The following CCDC88A variants were observed in gnomAD, a reference collection of about 807,000 sequenced individuals.
CCDC88A encodes the protein girdin.
In CCDC88A, 54 loss-of-function variants were observed where a neutral mutation model predicts 234.3. The ratio of observed to expected loss-of-function variants is 0.23; its 90% CI spans 0.19 to 0.29. The LOEUF is 0.29. Among genes scored for constraint, CCDC88A ranks in the 10% least tolerant of loss-of-function variants. CCDC88A has a pLI of 1.00. For synonymous variants in CCDC88A, 753 were observed against 737.8 expected (o/e 1.02, Z -0.33); for missense variants, 1,832 against 2,123.4 (o/e 0.86, Z 2.70).
Position 55,309,181 on chromosome 2 carries a change from C to A in CCDC88A, c.4153G>T (p.Asp1385Tyr). 6.4e-7 allele frequency: 1 copy of A among 1,563,932 alleles called. No individual in the cohort carries two copies. Among genetic ancestry groups the A allele is most frequent in the South Asian group, 1.1e-5 (1 of 87,662 alleles). Reference sequence around the variant, plus strand: ...TGGTACCTTCTAGGAGGAGATGGGTCATAAAATTTGTATTGATCCATAATT... The same window carrying A: ...TGGTACCTTCTAGGAGGAGATGGGTAATAAAATTTGTATTGATCCATAATT... ...EKIMDQYKFY[D>Y]PSPPRRRGNW... Residue 1385 changes from aspartate to tyrosine, a missense_variant, in exon 24 of 33, where the codon GAC becomes TAC. Transcript: ENST00000436346. The surrounding 1 kb of genome is among the most constrained non-coding windows in gnomAD (Gnocchi z 5.1).
intron 2 of CCDC88A, among the ~76,000 whole-genome samples, chr2:55,410,680 T>G (rs77765273): frequency 6.6e-6 from 1 of 151,922 alleles, no homozygotes; most frequent in African/African-American, 2.4e-5. Context: ...ACCCAGGAGA[T>G]TGGAACCAGA....
chr2:55,409,265 A>G (rs1456181619), intron 2 of CCDC88A, among the ~76,000 whole-genome samples: 1 of 151,752 alleles, frequency 6.6e-6, no homozygotes, highest in East Asian at 1.9e-4. Flanking sequence ...TTTTCATGCT[A>G]TTTTCTTTGC....
intron 29 of CCDC88A, 42 bp downstream of exon 29, chr2:55,299,797 G>A (rs748515689): frequency 7.6e-7 from 1 of 1,316,410 alleles, no homozygotes. Context: ...TTTAAATACT[G>A]GAAATGGATA....
At chr2:55,352,965 T>C (rs1200382479) in intron 8 of CCDC88A, among the ~76,000 whole-genome samples, 1 of 152,178 alleles carries the variant, frequency 6.6e-6, no homozygotes, top group Non-Finnish European at 1.5e-5. Context: ...ATAGGAGATT[T>C]ACTTCTTTTT....
chr2:55,303,958 T>C (rs1006517964), intron 25 of CCDC88A, among the ~76,000 whole-genome samples: 1 of 152,192 alleles, frequency 6.6e-6, no homozygotes, highest in Non-Finnish European at 1.5e-5. Flanking sequence ...CACAGTATTT[T>C]ATTAATATAA....
At chr2:55,301,483 CCAAAAGCAATGAAA>C in intron 27 of CCDC88A, 1 of 519,628 alleles carries the variant, frequency 1.9e-6, no homozygotes, top group Non-Finnish European at 3.3e-6. Flanking sequence ...AGGGAAAACA[CCAAAAGCAATGAAA>C]CAATCTCCCC....
At chr2:55,302,248 G>A (rs1680983936) in intron 26 of CCDC88A, among the ~76,000 whole-genome samples, 176 bp from the exon 27 acceptor site, 1 of 152,118 alleles carries the variant, frequency 6.6e-6, no homozygotes, top group African/African-American at 2.4e-5. Flanking sequence ...AAATGAGTAG[G>A]CCAAAGGCTG....
At chr2:55,301,142 A>C (rs1680850337) in intron 28 of CCDC88A, 64 bp downstream of exon 28, 6 of 953,024 alleles carry the variant, frequency 6.3e-6, no homozygotes, top group Non-Finnish European at 1.0e-5. Context: ...TATTAAAGGC[A>C]AGAGTCCTAG....
intron 29 of CCDC88A, chr2:55,296,788 C>CTGTTT: frequency 2.5e-6 from 1 of 402,908 alleles, no homozygotes; most frequent in Non-Finnish European, 4.4e-6. Context: ...TACTCAGAGC[C>CTGTTT]TAAACAGAGC....
chr2:55,386,766 C>A (rs1261105012), intron 3 of CCDC88A, among the ~76,000 whole-genome samples: 2 of 151,936 alleles, frequency 1.3e-5, no homozygotes, highest in Admixed American at 1.3e-4. Flanking sequence ...GCCACTGTAC[C>A]CAGCCTTCTG....
chr2:55,378,817 C>T (rs1674124769), intron 3 of CCDC88A, among the ~76,000 whole-genome samples: 1 of 151,242 alleles, frequency 6.6e-6, no homozygotes, highest in African/African-American at 2.4e-5. Flanking sequence ...ACGTTCTTGG[C>T]TCACTGCAAC....
At chr2:55,330,992 C>G (rs1574138602) in intron 16 of CCDC88A, among the ~76,000 whole-genome samples, 1 of 152,126 alleles carries the variant, frequency 6.6e-6, no homozygotes, top group Non-Finnish European at 1.5e-5. Context: ...GCTAGATGAT[C>G]AGCAGATAAG....
intron 7 of CCDC88A, among the ~76,000 whole-genome samples, chr2:55,358,456 T>G (rs1263573531): frequency 6.6e-6 from 1 of 152,174 alleles, no homozygotes; most frequent in Non-Finnish European, 1.5e-5. Flanking sequence ...TTGCTATCCA[T>G]TTTCAATCAA....
chr2:55,415,934 A>T (rs1681299532), intron 2 of CCDC88A, among the ~76,000 whole-genome samples: 7 of 152,100 alleles, frequency 4.6e-5, no homozygotes, highest in Admixed American at 4.6e-4. Context: ...TTTGTATTTA[A>T]TGGAATACAA....
intron 29 of CCDC88A, chr2:55,297,291 ATAATTT>A (rs1680177253): frequency 1.4e-5 from 1 of 70,572 alleles, no homozygotes; most frequent in African/African-American, 4.4e-5. Flanking sequence ...TATAATATAT[ATAATTT>A]ATATATAATT....
intron 2 of CCDC88A, among the ~76,000 whole-genome samples, chr2:55,401,495 TATAC>T (rs1427230728): frequency 3.3e-4 from 2 of 6,136 alleles, no homozygotes; most frequent in South Asian, 8.8e-3. Flanking sequence ...TGTGTGTGTG[TATAC>T]ATATATATAT....
intron 13 of CCDC88A, chr2:55,337,380 T>C (rs1667927011): frequency 6.6e-6 from 1 of 152,216 alleles, no homozygotes; most frequent in Non-Finnish European, 1.5e-5. Flanking sequence ...TGAAAAATAC[T>C]GGTAGTTAAT....
chr2:55,387,492 T>A (rs1675859360), intron 3 of CCDC88A, among the ~76,000 whole-genome samples: 1 of 151,792 alleles, frequency 6.6e-6, no homozygotes, highest in Admixed American at 6.6e-5. Context: ...TAGAAACAAT[T>A]ACTGATAGGC....
chr2:55,316,745 T>C lies in CCDC88A; in HGVS notation c.3746+461A>G, dbSNP rs1275713435. 2 of 152,212 alleles carry C rather than the reference T, an allele frequency of 1.3e-5. 1 individual carries two copies. The allele number at this position is 152,212 out of a possible 1,614,324, so 9.4% of individuals were successfully genotyped here. The stretch of plus-strand genomic sequence containing the variant: ...GTAAGATCCTATCTCTCTCTCTCTT[T>C]TTTTTTTGGAGATGGAGTCTTACTC... On this transcript the variant is annotated intron_variant, in intron 21 of 32. Coordinates refer to ENST00000436346, the MANE Select transcript of CCDC88A (RefSeq NM_001365480.1).
Sources: allele counts gnomAD v4.1 joint callset (sites outside exome capture counted in the v4.1 genomes callset), GRCh38; gene constraint gnomAD v4.1.1; non-coding constraint Gnocchi (gnomAD v3.1); transcripts MANE v1.5; gene names NCBI Gene and HGNC (gene_info 2026-07-23, HGNC 2026-07-21).